Variants in CDCA7L observed in about 807,000 individuals in gnomAD.
The protein encoded by CDCA7L is cell division cycle associated 7 like, also known as cell division cycle-associated 7-like protein.
In CDCA7L, 44 loss-of-function variants were observed where a neutral mutation model predicts 57.4. The ratio of observed to expected loss-of-function variants is 0.77; its 90% CI spans 0.60 to 0.98. The LOEUF is 0.98. Ranked by LOEUF, CDCA7L falls within the 50% of genes least tolerant of loss-of-function variation. The pLI is 0.00. For missense variants in CDCA7L, 644 were observed against 580.6 expected, an observed-to-expected ratio of 1.11 and a Z score of -1.12; for synonymous variants, 236 against 202.8, an observed-to-expected ratio of 1.16 and a Z score of -1.39.
intron 1 of CDCA7L, among the ~76,000 whole-genome samples, chr7:21,939,827 T>C (rs1020444297): frequency 5.9e-5 from 9 of 152,090 alleles, no homozygotes; most frequent in South Asian, 2.1e-4. Flanking sequence ...ACGACTACCA[T>C]GACCCCAGAT....
chr7:21,908,729 A>G (rs1370902739), intron 3 of CDCA7L, among the ~76,000 whole-genome samples: 2 of 152,200 alleles, frequency 1.3e-5, no homozygotes, highest in East Asian at 3.9e-4. Flanking sequence ...GTGCACCATC[A>G]TACCCGCGAC....
At chr7:21,907,786 C>CCTGCTTTACTCTGCTGGGAA (rs1562622258) in intron 4 of CDCA7L, among the ~76,000 whole-genome samples, 1 of 152,158 alleles carries the variant, frequency 6.6e-6, no homozygotes. Flanking sequence ...TCCCACTTCC[C>CCTGCTTTACTCTGCTGGGAA]CTGCTTTACT....
In CDCA7L at chr7:21,929,631, C is replaced by CAAAAAAA. The variant is rs57283961; in HGVS notation, c.25-12744_25-12738dup. Among the ~76,000 whole-genome samples the CAAAAAAA allele has an allele frequency of 3.9e-4, 14 of 35,506 alleles. 1 individual carries two copies. Among genetic ancestry groups the CAAAAAAA allele is most frequent in the African/African-American group, 1.7e-3 (11 of 6,546 alleles). The allele number at this position is 35,506 out of a possible 152,430, so 23.3% of individuals were successfully genotyped here. On this transcript the variant is annotated intron_variant, in intron 1 of 9. Transcript: ENST00000406877. ...GGAATATTATCCAGCAAATGGAAAG[C>CAAAAAAA]AAAAAAAAAAAAAAAAAAAAAAAAA...
At chr7:21,940,541 G>A (rs573270194) in intron 1 of CDCA7L, among the ~76,000 whole-genome samples, 1 of 152,186 alleles carries the variant, frequency 6.6e-6, no homozygotes, top group Non-Finnish European at 1.5e-5. Flanking sequence ...ATTCCAGTGT[G>A]GTATGATAAA....
Position 21,901,104 on chromosome 7 carries a change from GGACA to G in CDCA7L, c.*1214_*1217del. 1 of 1,613,544 alleles carries G rather than the reference GGACA, an allele frequency of 6.2e-7. No homozygotes were observed. The highest frequency in any genetic ancestry group is 8.5e-7 in the Non-Finnish European group (1 of 1,179,600). On this transcript the variant is annotated 3_prime_UTR_variant, in exon 10 of 10. Transcript: ENST00000406877. ...TCATCTTTGCAAAAGCCACCCCCGT[GGACA>G]GACAAGAAACCAAACAGACCTACGA...
At chr7:21,904,021 T>TAGTTCCCAGTGA (rs1785044805) in intron 8 of CDCA7L, 89 bp downstream of exon 8, 5 of 1,302,256 alleles carry the variant, frequency 3.8e-6, no homozygotes, top group African/African-American at 1.5e-5. Flanking sequence ...TGGAGCTCCC[T>TAGTTCCCAGTGA]AGTTCCCAGT....
In CDCA7L at chr7:21,909,320, G is replaced by A. The variant is rs538923944; in HGVS notation, c.304-813C>T. ...TACAGAGACAGGTTTAAGTATGTAA[G>A]ATCTAGGACGTCTTCTGGGCATCCT... On this transcript the variant is annotated intron_variant, in intron 3 of 9. Transcript: ENST00000406877. 2.3e-4 allele frequency among the ~76,000 whole-genome samples: 35 copies of A among 152,282 alleles called. No homozygotes were observed. The Middle Eastern group carries it at 0.01, about 44-fold the overall frequency.
intron 1 of CDCA7L, among the ~76,000 whole-genome samples, chr7:21,919,032 G>A (rs1050994974): frequency 1.3e-5 from 2 of 151,876 alleles, no homozygotes; most frequent in African/African-American, 4.8e-5. Flanking sequence ...TACCCAGGCT[G>A]GTCTCAAATT....
At chr7:21,915,651 A>AC (rs1785458724) in intron 2 of CDCA7L, among the ~76,000 whole-genome samples, 2 of 119,308 alleles carry the variant, frequency 1.7e-5, no homozygotes, top group African/African-American at 3.5e-5. Context: ...AAAAAAAAAA[A>AC]AAAAAAAACA....
chr7:21,930,596 C>A (rs1785975905), intron 1 of CDCA7L, among the ~76,000 whole-genome samples: 2 of 146,840 alleles, frequency 1.4e-5, no homozygotes, highest in Admixed American at 7.1e-5. Context: ...ACTTGGGAGG[C>A]TGAGGCAAAA....
At chr7:21,928,165 G>C (rs1340823629) in intron 1 of CDCA7L, among the ~76,000 whole-genome samples, 1 of 152,142 alleles carries the variant, frequency 6.6e-6, no homozygotes, top group South Asian at 2.1e-4. Context: ...AAACGGTCTG[G>C]AGCGGGCCTC....
At chr7:21,933,117 G>C (rs1338935154) in intron 1 of CDCA7L, among the ~76,000 whole-genome samples, 1 of 152,204 alleles carries the variant, frequency 6.6e-6, no homozygotes, top group Admixed American at 6.5e-5. Context: ...TCTCGTGCCA[G>C]TTAGAATGGC....
intron 1 of CDCA7L, among the ~76,000 whole-genome samples, chr7:21,929,394 C>A (rs1181297480): frequency 6.6e-6 from 1 of 151,854 alleles, no homozygotes; most frequent in East Asian, 1.9e-4. Context: ...GAAACTGCAT[C>A]AACTAACAGG....
chr7:21,939,326 G>A (rs1786270707), intron 1 of CDCA7L, among the ~76,000 whole-genome samples: 1 of 152,174 alleles, frequency 6.6e-6, no homozygotes, highest in African/African-American at 2.4e-5. Flanking sequence ...GTTAAAAATA[G>A]TACCTTTTAT....
At position 21,912,310 on chromosome 7, in the gene CDCA7L, G is replaced by A. The variant is rs553709029; in HGVS notation, c.166-556C>T. Among the ~76,000 whole-genome samples the A allele has an allele frequency of 3.9e-5, 6 of 152,094 alleles. No individual in the cohort carries two copies. In the South Asian group the frequency reaches 6.2e-4, roughly 16 times the overall value. On this transcript the variant is annotated intron_variant, in intron 2 of 9. Coordinates refer to ENST00000406877, the MANE Select transcript of CDCA7L (RefSeq NM_018719.5). ...CCCTCTCTCAAAAAAACCCGCATAC[G>A]TACACGTATATATTACATATATACA...
intron 1 of CDCA7L, among the ~76,000 whole-genome samples, 160 bp from the exon 2 acceptor site, chr7:21,917,054 CTCATGGCAAAATAAGG>C (rs986452053): frequency 7.9e-5 from 12 of 152,108 alleles, no homozygotes; most frequent in African/African-American, 2.9e-4. Context: ...CAGCTAAGAA[CTCATGGCAAAATAAGG>C]TGTGGGGTGG....
intron 9 of CDCA7L, 22 bp from the exon 10 acceptor site, chr7:21,902,374 T>TTTGGTAAAGTAGTACAAA (rs763469229): frequency 6.2e-7 from 1 of 1,611,434 alleles, no homozygotes; most frequent in Non-Finnish European, 8.5e-7. Flanking sequence ...ATGAGAAGTA[T>TTTGGTAAAGTAGTACAAA]TTGGTAAAGT....
At chr7:21,908,094 G>T in intron 4 of CDCA7L, 36 bp downstream of exon 4, 1 of 1,492,070 alleles carries the variant, frequency 6.7e-7, no homozygotes, top group Non-Finnish European at 8.8e-7. Context: ...CCAGAGCCTG[G>T]TGCCAACTCC....
At chr7:21,911,167 T>C (rs1004972782) in intron 3 of CDCA7L, among the ~76,000 whole-genome samples, 32 of 151,464 alleles carry the variant, frequency 2.1e-4, no homozygotes, top group African/African-American at 6.3e-4. Context: ...GTAGCTTGGA[T>C]TACAGGTGCC....
Sources: gnomAD v4.1 joint callset for allele counts (sites outside exome capture counted in the v4.1 genomes callset) on GRCh38, gnomAD v4.1.1 for gene constraint, MANE v1.5 for transcripts, NCBI Gene and HGNC (gene_info 2026-07-23, HGNC 2026-07-21) for gene names.